The following SIGLEC9 variants were observed in gnomAD, a reference collection of about 807,000 sequenced individuals.
SIGLEC9 encodes sialic acid binding Ig like lectin 9, also known as sialic acid-binding Ig-like lectin 9.
Under a neutral mutation model 38.3 loss-of-function variants are expected in SIGLEC9, and 26 were observed. The observed-to-expected ratio is 0.68, with a 90% CI of 0.50 to 0.94. The LOEUF (loss-of-function observed/expected upper bound fraction) is 0.94, where lower values mean the gene tolerates loss of function less well. SIGLEC9 is among the 40% of genes least tolerant of loss of function. The pLI, the probability that SIGLEC9 is intolerant of heterozygous loss-of-function variation, is 0.00. For missense variants in SIGLEC9, 556 were observed against 585.7 expected (o/e 0.95, Z 0.52); for synonymous variants, 236 against 248.0 (o/e 0.95, Z 0.45).
At chr19:51,131,594 T>A (rs2569447), downstream of SIGLEC9, among the ~76,000 whole-genome samples, 13,854 of 136,832 alleles carry the variant, frequency 0.1, 1,283 homozygotes, top group African/African-American at 0.29. Context: ...TCAAAAAAAA[T>A]AAATAAATAA....
chr19:51,134,147 C>CTTTTTTTTTTTTT (rs71185802), downstream of SIGLEC9, among the ~76,000 whole-genome samples: 5 of 66,506 alleles, frequency 7.5e-5, no homozygotes, highest in African/African-American at 1.7e-4. Flanking sequence ...TCTTTCTTTT[C>CTTTTTTTTTTTTT]TTTTTTTTTT....
chr19:51,127,054 C>T lies in SIGLEC9; in HGVS notation c.773C>T (p.Ser258Leu). ...GTATCCACAGTCTTGGGAAATGGCT[C>T]ATCTCTGTCACTCCCAGAGGGCCAG... ...GTVSTVLGNG[S>L]SLSLPEGQSL... The change falls in exon 4 of 7, where the codon TCA (serine) becomes TTA (leucine). Residue 258 changes from serine to leucine, a missense_variant. Coordinates refer to ENST00000250360, the MANE Select transcript of SIGLEC9 (RefSeq NM_014441.3). 1 of 1,614,080 alleles carries T rather than the reference C, an allele frequency of 6.2e-7. No individual in the cohort carries two copies. The highest frequency in any genetic ancestry group is 8.5e-7 in the Non-Finnish European group (1 of 1,179,948).
chr19:51,126,345 A>C (rs2091979524), intron 3 of SIGLEC9, among the ~76,000 whole-genome samples: 1 of 145,148 alleles, frequency 6.9e-6, no homozygotes, highest in Admixed American at 6.9e-5. Flanking sequence ...AGCCTCAAAC[A>C]AGAAGAGGGT....
At chr19:51,119,830 T>G in the SIGLEC9 span, among the ~76,000 whole-genome samples, 1 of 152,228 alleles carries the variant, frequency 6.6e-6, no homozygotes, top group African/African-American at 2.4e-5. Context: ...CTGGTGCTCA[T>G]GGCTCAAGGC....
At position 51,126,327 on chromosome 19, in the gene SIGLEC9, C is replaced by A. The variant is rs545015196; in HGVS notation, c.748+199C>A. ...CCTCCCTTGGACTCCCCCACACACC[C>A]CCCCCTCAGCCTCAAACAAGAAGAG... On this transcript the variant is annotated intron_variant, in intron 3 of 6. Coordinates refer to ENST00000250360, the MANE Select transcript of SIGLEC9 (RefSeq NM_014441.3). 3.9e-5 allele frequency among the ~76,000 whole-genome samples: 6 copies of A among 151,902 alleles called. No homozygotes were observed. The East Asian group carries it at 5.8e-4, about 15-fold the overall frequency.
upstream of SIGLEC9, among the ~76,000 whole-genome samples, chr19:51,121,191 T>C (rs2091949528): frequency 6.6e-6 from 1 of 152,142 alleles, no homozygotes; most frequent in Non-Finnish European, 1.5e-5. Context: ...AGTCTCGCTC[T>C]GTCACCCAGG....
Position 51,128,418 on chromosome 19 carries a change from A to G in SIGLEC9, c.1111A>G (p.Arg371Gly). The change falls in exon 6 of 7, where the codon AGG (arginine) becomes GGG (glycine). Residue 371 changes from arginine to glycine, a missense_variant. Coordinates refer to ENST00000250360, the MANE Select transcript of SIGLEC9 (RefSeq NM_014441.3). ...LSFCVIFVVVRSCRKKSARPA... is the reference protein window; with the variant it reads ...LSFCVIFVVVGSCRKKSARPA... Reference sequence around the variant, plus strand: ...CTCTCTGGTCTCTTCACTCAGAGTGAGGTCCTGCAGGAAGAAATCGGCAAG... The same window carrying G: ...CTCTCTGGTCTCTTCACTCAGAGTGGGGTCCTGCAGGAAGAAATCGGCAAG... 1 of 1,614,034 alleles carries G rather than the reference A, an allele frequency of 6.2e-7. No individual in the cohort carries two copies. The highest frequency in any genetic ancestry group is 8.5e-7 in the Non-Finnish European group (1 of 1,179,940).
In SIGLEC9 at chr19:51,127,933, T is replaced by A. The variant is rs1430484267; in HGVS notation, c.1016-16T>A. 2 of 1,564,488 alleles carry A rather than the reference T, an allele frequency of 1.3e-6. No homozygotes were observed. Among genetic ancestry groups the A allele is most frequent in the Admixed American group, 3.4e-5 (2 of 59,388 alleles). On this transcript the variant is annotated splice_polypyrimidine_tract_variant and intron_variant, in intron 4 of 6. Coordinates refer to ENST00000250360, the MANE Select transcript of SIGLEC9 (RefSeq NM_014441.3). ...CTCTATGATATATCACAAAAATAAC[T>A]CCCATCTGTCAACAGGCAAAGCCAC...
downstream of SIGLEC9, among the ~76,000 whole-genome samples, chr19:51,134,152 T>C (rs868159567): frequency 1.5e-4 from 18 of 118,212 alleles, no homozygotes; most frequent in African/African-American, 6.5e-4. Flanking sequence ...CTTTTCTTTT[T>C]TTTTTTTTTT....
downstream of SIGLEC9, among the ~76,000 whole-genome samples, chr19:51,131,938 A>G (rs1599821883): frequency 6.6e-6 from 1 of 150,588 alleles, no homozygotes; most frequent in African/African-American, 2.5e-5. Context: ...AAAAAATCCT[A>G]TGCTATGGTT....
At chr19:51,129,690 A>T (rs977347521) in intron 6 of SIGLEC9, among the ~76,000 whole-genome samples, 1 of 152,058 alleles carries the variant, frequency 6.6e-6, no homozygotes, top group Admixed American at 6.5e-5. Flanking sequence ...GCTGGGATTA[A>T]AGGTGCACAC....
chr19:51,122,423 A>G (rs1202034131), upstream of SIGLEC9, among the ~76,000 whole-genome samples: 1 of 152,128 alleles, frequency 6.6e-6, no homozygotes, highest in Non-Finnish European at 1.5e-5. The surrounding 1 kb of genome is among the most constrained non-coding windows in gnomAD (Gnocchi z 4.1). Flanking sequence ...TCTACTAAAA[A>G]TACAAAAATT....
intron 3 of SIGLEC9, 62 bp downstream of exon 3, chr19:51,126,190 G>T: frequency 1.3e-6 from 2 of 1,492,838 alleles, no homozygotes; most frequent in South Asian, 1.1e-5. Context: ...GATGGGGCTG[G>T]CTTATTCCTC....
intron 6 of SIGLEC9, 172 bp downstream of exon 6, chr19:51,128,682 T>A (rs1469715717): frequency 1.8e-5 from 11 of 601,974 alleles, no homozygotes; most frequent in Admixed American, 3.0e-5. Context: ...AAGAACAGCT[T>A]TTATTGTCTC....
At chr19:51,128,272 T>C (rs2091991881) in intron 5 of SIGLEC9, 142 bp from the exon 6 acceptor site, 1 of 1,030,678 alleles carries the variant, frequency 9.7e-7, no homozygotes, top group East Asian at 2.5e-5. Flanking sequence ...GTTCTCAACC[T>C]TGGGGTCTCT....
intron 6 of SIGLEC9, chr19:51,135,834 T>C (rs1599824518): frequency 1.7e-6 from 1 of 585,426 alleles, no homozygotes; most frequent in East Asian, 2.8e-5. Flanking sequence ...CTTTGAGCTC[T>C]GAGATTCTTT....
chr19:51,130,053 T>C lies in SIGLEC9; in HGVS notation c.1366T>C (p.Tyr456His). The C allele has an allele frequency of 6.2e-7, 1 of 1,612,602 alleles. No homozygotes were observed. The highest frequency in any genetic ancestry group is 8.5e-7 in the Non-Finnish European group (1 of 1,179,296). ...SRGQEATDTE[Y>H]SEIKIHR ...GGGACAGGAGGCCACTGACACCGAG[T>C]ACTCGGAGATCAAGATCCACAGATG... The change falls in exon 7 of 7, where the codon TAC becomes CAC. Residue 456 changes from tyrosine (Y) to histidine (H), a missense_variant. Coordinates refer to ENST00000250360, the MANE Select transcript of SIGLEC9 (RefSeq NM_014441.3).
At position 51,130,289 on chromosome 19, in the gene SIGLEC9, C is replaced by A; in HGVS notation, c.*210C>A. ...TGTGCCCTCCCTTTTATTTTTTTAA[C>A]TAAAAGACAGACAAATTCCTACCTC... is the stretch of plus-strand genomic sequence containing the variant. On this transcript the variant is annotated 3_prime_UTR_variant, in exon 7 of 7. Transcript: ENST00000250360. The A allele has an allele frequency of 3.0e-6, 3 of 1,001,096 alleles. No homozygotes were observed. Among genetic ancestry groups the A allele is most frequent in the Non-Finnish European group, 3.9e-6 (3 of 760,338 alleles). The allele number at this position is 1,001,096 out of a possible 1,614,324, so 62.0% of individuals were successfully genotyped here.
At chr19:51,129,791 C>A in intron 6 of SIGLEC9, 100 bp from the exon 7 acceptor site, 1 of 818,822 alleles carries the variant, frequency 1.2e-6, no homozygotes, top group Admixed American at 2.5e-5. Context: ...TCAGGTGATC[C>A]GCCTACCTCA....
Sources: gnomAD v4.1 joint callset for allele counts (sites outside exome capture counted in the v4.1 genomes callset) on GRCh38, gnomAD v4.1.1 for gene constraint, Gnocchi (gnomAD v3.1) non-coding constraint, MANE v1.5 for transcripts, NCBI Gene and HGNC (gene_info 2026-07-23, HGNC 2026-07-21) for gene names.